Variants in PCDHGC5 observed in about 807,000 individuals in gnomAD.
PCDHGC5 encodes the protein protocadherin gamma-C5.
A neutral mutation model predicts 59.0 loss-of-function variants in PCDHGC5; 25 were observed. The observed-to-expected ratio is 0.42, with a 90% confidence interval of 0.31 to 0.59. PCDHGC5 has a LOEUF of 0.59. Among genes scored for constraint, PCDHGC5 ranks in the 20% least tolerant of loss-of-function variants. The probability of loss-of-function intolerance (pLI) is 0.13; values close to 1 mark genes in which losing one functional copy is unlikely to be tolerated. For synonymous variants in PCDHGC5, 434 were observed against 505.5 expected (o/e 0.86, Z 1.90); for missense variants, 1,067 against 1,206.4 (o/e 0.88, Z 1.71).
At chr5:141,492,461 G>A (rs1218833302) in intron 1 of PCDHGC5, among the ~76,000 whole-genome samples, 1 of 152,212 alleles carries the variant, frequency 6.6e-6, no homozygotes, top group East Asian at 1.9e-4. Flanking sequence ...CGCGCCTGAG[G>A]GTCCCAGATC....
In PCDHGC5 at chr5:141,489,561, G is replaced by A. The variant is rs1750812409; in HGVS notation, c.321G>A (p.Gln107=). 6.2e-7 allele frequency: 1 copy of A among 1,614,106 alleles called. No homozygotes were observed. Among genetic ancestry groups the A allele is most frequent in the Non-Finnish European group, 8.5e-7 (1 of 1,180,026 alleles). Residue 107 remains glutamine, a synonymous_variant, in exon 1 of 4, where the codon CAG becomes CAA. Coordinates refer to ENST00000252087, the MANE Select transcript of PCDHGC5 (RefSeq NM_018929.3). The surrounding 1 kb of genome is among the most constrained non-coding windows in gnomAD (Gnocchi z 4.5). ...GASTSCLLPV[Q]VVTEHPLELI... is the part of the protein sequence containing the mutation. Reference sequence around the variant, plus strand: ...GCACCAGCTGCCTGCTGCCAGTGCAGGTGGTGACTGAACACCCCCTGGAGC... The same window carrying A: ...GCACCAGCTGCCTGCTGCCAGTGCAAGTGGTGACTGAACACCCCCTGGAGC...
At chr5:141,496,285 A>G (rs1003747820) in intron 2 of PCDHGC5, among the ~76,000 whole-genome samples, 1 of 152,210 alleles carries the variant, frequency 6.6e-6, no homozygotes, top group Non-Finnish European at 1.5e-5. Flanking sequence ...AGTTGGTCTG[A>G]GCAGAGTGGG....
rs1404533394 is a variant in PCDHGC5, at chr5:141,491,708, G to T, written c.2460+8G>T. ...CTGCGGGAGCGGAGCCAGGTGAGGG[G>T]CTCGGCGCCGCCCCGGGCGACCCCT... On this transcript the variant is annotated splice_region_variant and intron_variant, in intron 1 of 3. Transcript: ENST00000252087. The surrounding 1 kb of genome is among the most constrained non-coding windows in gnomAD (Gnocchi z 6.9). 1 of 1,610,132 alleles carries T rather than the reference G, an allele frequency of 6.2e-7. No individual in the cohort carries two copies. Among genetic ancestry groups the T allele is most frequent in the Admixed American group, 1.7e-5 (1 of 59,518 alleles).
Position 141,489,524 on chromosome 5 carries a change from T to TA in PCDHGC5, c.285dup (p.Cys96MetfsTer16). Reference sequence around the variant, plus strand: ...AATCAAAAGATTGACCGAGAAAGCCTATGTGGAGCCAGCACCAGCTGCCTG... The same window carrying TA: ...AATCAAAAGATTGACCGAGAAAGCCTAATGTGGAGCCAGCACCAGCTGCCTG... On this transcript the variant is annotated frameshift_variant, in exon 1 of 4. Transcript: ENST00000252087. LOFTEE classifies it high-confidence loss of function. This position sits in a 1 kb window ranked among gnomAD's most constrained non-coding sequence, Gnocchi z 4.5. 6.2e-7 allele frequency: 1 copy of TA among 1,614,076 alleles called. No homozygotes were observed. Among genetic ancestry groups the TA allele is most frequent in the Non-Finnish European group, 8.5e-7 (1 of 1,180,010 alleles).
Position 141,511,376 on chromosome 5 carries a change from G to C in PCDHGC5, c.*203G>C. ...CCAGGGGGTTGAATATGCAAAAGCA[G>C]TTCCGCTGGGAACCCCCATCCAATC... On this transcript the variant is annotated 3_prime_UTR_variant, in exon 4 of 4. Coordinates refer to ENST00000252087, the MANE Select transcript of PCDHGC5 (RefSeq NM_018929.3). 1 of 1,211,520 alleles carries C rather than the reference G, an allele frequency of 8.3e-7. No homozygotes were observed. The allele number at this position is 1,211,520 out of a possible 1,614,324, so 75.0% of individuals were successfully genotyped here.
At chr5:141,495,095 G>C (rs67264863) in intron 2 of PCDHGC5, among the ~76,000 whole-genome samples, 9,751 of 152,126 alleles carry the variant, frequency 0.064, 363 homozygotes, top group South Asian at 0.11. Context: ...TTCCCTCCTC[G>C]CCACGACCGG....
In PCDHGC5 at chr5:141,511,261, G is replaced by A; in HGVS notation, c.*88G>A. On this transcript the variant is annotated 3_prime_UTR_variant, in exon 4 of 4. Transcript: ENST00000252087. The stretch of plus-strand genomic sequence containing the variant: ...CTGCACCCAGGCCTCAGAGTTTCAG[G>A]GCTAACCCCCAGAATACTGGTAGGG... 2 of 1,557,474 alleles carry A rather than the reference G, an allele frequency of 1.3e-6. No homozygotes were observed. The highest frequency in any genetic ancestry group is 1.4e-5 in the African/African-American group (1 of 73,440).
rs1246027327 is a variant in PCDHGC5, at chr5:141,491,976, C to A, written c.2460+276C>A. On this transcript the variant is annotated intron_variant, in intron 1 of 3. Transcript: ENST00000252087. This position sits in a 1 kb window ranked among gnomAD's most constrained non-coding sequence, Gnocchi z 6.9. ...ACTCAAAAAAGGCCGGGGCCTCCTT[C>A]GAGCTTCCGGTGAATTTCGGGCGAT... 3 of 800,708 alleles carry A rather than the reference C, an allele frequency of 3.7e-6. No individual in the cohort carries two copies. The Admixed American group carries it at 1.1e-4, about 30-fold the overall frequency. 49.6% of individuals were successfully genotyped at this position (800,708 alleles called of 1,614,324 possible).
chr5:141,507,851 C>T (rs570052933), intron 3 of PCDHGC5, among the ~76,000 whole-genome samples: 48 of 152,322 alleles, frequency 3.2e-4, no homozygotes, highest in African/African-American at 1.1e-3. Context: ...CCTGCTCTCA[C>T]TTTCACACCC....
chr5:141,497,885 A>T (rs1469477968), intron 2 of PCDHGC5, among the ~76,000 whole-genome samples: 1 of 152,166 alleles, frequency 6.6e-6, no homozygotes, highest in Non-Finnish European at 1.5e-5. Flanking sequence ...AAGCGTTAGG[A>T]TCTAGTCCAG....
chr5:141,501,328 CACACA>C (rs1562200832), intron 2 of PCDHGC5, among the ~76,000 whole-genome samples: 17 of 151,710 alleles, frequency 1.1e-4, no homozygotes, highest in African/African-American at 1.9e-4. Context: ...CACACACACA[CACACA>C]CCCCAAACTC....
intron 3 of PCDHGC5, among the ~76,000 whole-genome samples, chr5:141,508,984 C>G (rs1039260828): frequency 4.7e-4 from 72 of 152,154 alleles, no homozygotes; most frequent in African/African-American, 1.7e-3. Context: ...GGGTGGGGGC[C>G]AGCTGGGGTA....
chr5:141,489,229 G>C lies in PCDHGC5; in HGVS notation c.-12G>C. The C allele has an allele frequency of 6.6e-7, 1 of 1,522,252 alleles. No homozygotes were observed. Among genetic ancestry groups the C allele is most frequent in the Non-Finnish European group, 8.8e-7 (1 of 1,133,810 alleles). The allele number at this position is 1,522,252 out of a possible 1,614,324, so 94.3% of individuals were successfully genotyped here. On this transcript the variant is annotated 5_prime_UTR_variant, in exon 1 of 4. Coordinates refer to ENST00000252087, the MANE Select transcript of PCDHGC5 (RefSeq NM_018929.3). This position sits in a 1 kb window ranked among gnomAD's most constrained non-coding sequence, Gnocchi z 4.5. ...AGCACAGACTTACTCTCCACAAAGG[G>C]ACTTCTGGGTCATGGGGCCCAAGAC...
At chr5:141,495,419 C>A (rs1434107823) in intron 2 of PCDHGC5, among the ~76,000 whole-genome samples, 1 of 152,228 alleles carries the variant, frequency 6.6e-6, no homozygotes, top group Non-Finnish European at 1.5e-5. Context: ...CCGGCCCCTC[C>A]TCCCACTGTC....
rs2099694486 is a variant in PCDHGC5 at position 141,489,987 on chromosome 5, G to A, written c.747G>A (p.Val249=). The A allele has an allele frequency of 1.2e-6, 2 of 1,614,106 alleles. No homozygotes were observed. The highest frequency in any genetic ancestry group is 1.3e-5 in the African/African-American group (1 of 74,932). ...APTFQSSVLR[V]GIPENAPIGT... The stretch of plus-strand genomic sequence containing the variant: ...CCTTCCAATCCTCAGTTCTACGTGT[G>A]GGAATCCCAGAGAATGCACCCATTG... Residue 249 remains valine, a synonymous_variant, in exon 1 of 4, where the codon GTG becomes GTA. Coordinates refer to ENST00000252087, the MANE Select transcript of PCDHGC5 (RefSeq NM_018929.3). The surrounding 1 kb of genome is among the most constrained non-coding windows in gnomAD (Gnocchi z 4.5).
Position 141,489,323 on chromosome 5 carries a change from C to T in PCDHGC5, c.83C>T (p.Ser28Phe), listed in dbSNP as rs746520513. 1 of 1,601,632 alleles carries T rather than the reference C, an allele frequency of 6.2e-7. No individual in the cohort carries two copies. Among genetic ancestry groups the T allele is most frequent in the Non-Finnish European group, 8.5e-7 (1 of 1,172,950 alleles). ...TCCTTGTGCTGCTGGGGCTGGGTGT[C>T]TGGGCAGCTTCGTTACTCAGTGGTG... ...MLSLCCWGWV[S>F]GQLRYSVVEE... The change falls in exon 1 of 4, where the codon TCT (serine) becomes TTT (phenylalanine). Residue 28 changes from serine (S) to phenylalanine (F), a missense_variant. Ser to Phe is a radical substitution (Grantham distance 155). Coordinates refer to ENST00000252087, the MANE Select transcript of PCDHGC5 (RefSeq NM_018929.3). The surrounding 1 kb of genome is among the most constrained non-coding windows in gnomAD (Gnocchi z 4.5).
rs1016254258 is a variant in PCDHGC5 at position 141,489,870 on chromosome 5, G to C, written c.630G>C (p.Leu210=). ...GTGAAGCCCAGGCAAGACATCAGCT[G>C]GTGCTTACTGCTGTGGATGGGGGGA... ...LDREAQARHQ[L]VLTAVDGGTP... Residue 210 remains leucine (L), a synonymous_variant, in exon 1 of 4, where the codon CTG becomes CTC. Transcript: ENST00000252087. The surrounding 1 kb of genome is among the most constrained non-coding windows in gnomAD (Gnocchi z 4.5). The C allele has an allele frequency of 2.0e-5, 32 of 1,614,102 alleles. No homozygotes were observed. Among genetic ancestry groups the C allele is most frequent in the African/African-American group, 4.0e-5 (3 of 74,944 alleles).
intron 2 of PCDHGC5, among the ~76,000 whole-genome samples, chr5:141,495,678 C>T (rs1340336428): frequency 6.6e-6 from 1 of 152,180 alleles, no homozygotes; most frequent in African/African-American, 2.4e-5. Context: ...CTGTGCCTGC[C>T]ATGGCATAAG....
rs375516156 is a variant in PCDHGC5 at position 141,510,311 on chromosome 5, C to G, written c.2609-636C>G. Among the ~76,000 whole-genome samples, 70 of 151,056 alleles carry G rather than the reference C, an allele frequency of 4.6e-4. No homozygotes were observed. The South Asian group carries it at 0.014, about 31-fold the overall frequency. On this transcript the variant is annotated intron_variant, in intron 3 of 3. Transcript: ENST00000252087. The stretch of plus-strand genomic sequence containing the variant: ...AAAAAATGCTGTTTTGAAATGGAGG[C>G]TTGGAAGAGCACTCTTCACCCCCAC...
Sources: allele counts gnomAD v4.1 joint callset (sites outside exome capture counted in the v4.1 genomes callset), GRCh38; gene constraint gnomAD v4.1.1; non-coding constraint Gnocchi (gnomAD v3.1); transcripts MANE v1.5; gene names NCBI Gene and HGNC (gene_info 2026-07-23, HGNC 2026-07-21).